AK9: variants seen among roughly 807,000 people sequenced by gnomAD.
AK9 encodes adenylate kinase 9, also known as adenylate kinase domain containing 1.
AK9 carries 191 observed loss-of-function variants against 239.6 expected under a neutral mutation model. The ratio of observed to expected loss-of-function variants is 0.80; its 90% CI spans 0.71 to 0.90. The LOEUF is 0.90. AK9 is among the 40% of genes least tolerant of loss of function. The pLI, the probability that AK9 is intolerant of heterozygous loss-of-function variation, is 0.00. For synonymous variants in AK9, 689 were observed against 721.0 expected (o/e 0.96, Z 0.71); for missense variants, 1,995 against 2,214.7 (o/e 0.90, Z 1.99).
At position 109,624,733 on chromosome 6, in the gene AK9, C is replaced by T. The variant is rs1487586296; in HGVS notation, c.1255-5497G>A. On this transcript the variant is annotated intron_variant, in intron 12 of 40. Coordinates refer to ENST00000424296, the MANE Select transcript of AK9 (RefSeq NM_001145128.3). The stretch of plus-strand genomic sequence containing the variant: ...TTACTGGGAATTTACTGTGTCATTT[C>T]TATCTGGAAGCATGTCCTTCAATCT... Among the ~76,000 whole-genome samples, 3 of 152,134 alleles carry T rather than the reference C, an allele frequency of 2.0e-5. No homozygotes were observed. The East Asian group carries it at 5.8e-4, about 29-fold the overall frequency.
intron 25 of AK9, 23 bp from the exon 26 acceptor site, chr6:109,546,150 G>GGGGGGGGT: frequency 9.6e-7 from 1 of 1,040,408 alleles, no homozygotes; most frequent in Non-Finnish European, 1.4e-6. Flanking sequence ...GTGGGTCAGG[G>GGGGGGGGT]AGGGGTGGGA....
chr6:109,674,097 T>C (rs1449904695), intron 3 of AK9, 101 bp downstream of exon 3: 2 of 827,194 alleles, frequency 2.4e-6, no homozygotes, highest in African/African-American at 1.8e-5. Flanking sequence ...TCACAGACTC[T>C]AGATGGTGAG....
chr6:109,553,391 T>C (rs550035949), intron 24 of AK9, among the ~76,000 whole-genome samples: 3 of 152,306 alleles, frequency 2.0e-5, no homozygotes, highest in South Asian at 2.1e-4. Flanking sequence ...CAGTGGTTTG[T>C]AGTTCTCCTT....
intron 29 of AK9, among the ~76,000 whole-genome samples, chr6:109,524,007 T>A (rs183735654): frequency 6.6e-6 from 1 of 152,148 alleles, no homozygotes; most frequent in Non-Finnish European, 1.5e-5. Flanking sequence ...ATTATGAAAA[T>A]TTGACCCATC....
At chr6:109,607,804 T>TGTGA (rs1401274154) in intron 17 of AK9, among the ~76,000 whole-genome samples, 2 of 151,224 alleles carry the variant, frequency 1.3e-5, no homozygotes, top group Non-Finnish European at 3.0e-5. Context: ...TGTGTGTGTG[T>TGTGA]GAAAATTGAG....
chr6:109,506,594 T>A, intron 34 of AK9, 47 bp from the exon 35 acceptor site: 3 of 1,537,396 alleles, frequency 2.0e-6, no homozygotes, highest in Non-Finnish European at 2.6e-6. Context: ...TAAAAACATA[T>A]CTTTTCCCCC....
chr6:109,507,624 C>T lies in AK9; in HGVS notation c.4482-824G>A, dbSNP rs71558373. ...AGGAGTGGCCCCCAAGCTCAGGAAA[C>T]TCCCTGTGAGGTGGGAGCAAGCTGG... On this transcript the variant is annotated intron_variant, in intron 33 of 40. Transcript: ENST00000424296. Among the ~76,000 whole-genome samples the T allele has an allele frequency of 7.6e-4, 115 of 152,314 alleles. 2 individuals are homozygous for T. Among genetic ancestry groups the T allele is most frequent in the Non-Finnish European group, 1.4e-3 (97 of 68,028 alleles).
intron 16 of AK9, among the ~76,000 whole-genome samples, 187 bp from the exon 17 acceptor site, chr6:109,610,700 G>A (rs919192539): frequency 2.0e-5 from 3 of 152,134 alleles, no homozygotes; most frequent in South Asian, 4.1e-4. Context: ...TCACAGCACC[G>A]CAAACTCTCA....
At chr6:109,632,530 T>C (rs79061472) in intron 12 of AK9, 4,864 of 233,608 alleles carry the variant, frequency 0.021, 108 homozygotes, top group East Asian at 0.11. Flanking sequence ...GGATCATCTT[T>C]GTAATACTGA....
chr6:109,514,087 C>T, intron 32 of AK9, 137 bp downstream of exon 32: 1 of 818,536 alleles, frequency 1.2e-6, no homozygotes, highest in Non-Finnish European at 1.9e-6. Context: ...TTCCTCCTGT[C>T]TCCTCACTCA....
chr6:109,527,607 T>C (rs753670120), intron 29 of AK9: 4 of 151,792 alleles, frequency 2.6e-5, no homozygotes, highest in Admixed American at 1.3e-4. Flanking sequence ...ATCAAAGGAG[T>C]TGGAAAAAAA....
intron 20 of AK9, 24 bp downstream of exon 20, chr6:109,579,526 T>A (rs371187620): frequency 5.8e-5 from 90 of 1,540,562 alleles, no homozygotes; most frequent in African/African-American, 1.1e-4. Context: ...TGACACATCA[T>A]CAGTCATAGC....
At chr6:109,570,439 A>T (rs1011999861) in intron 21 of AK9, among the ~76,000 whole-genome samples, 4 of 152,036 alleles carry the variant, frequency 2.6e-5, no homozygotes, top group African/African-American at 9.6e-5. Flanking sequence ...TAATAATAAT[A>T]AAAAAAAGAA....
intron 1 of AK9, among the ~76,000 whole-genome samples, chr6:109,681,529 C>T (rs531922232): frequency 6.6e-6 from 1 of 152,240 alleles, no homozygotes; most frequent in East Asian, 1.9e-4. Context: ...CAATACTAGA[C>T]AGATCAATGA....
chr6:109,630,315 T>A (rs542483347), intron 12 of AK9, among the ~76,000 whole-genome samples: 2 of 151,916 alleles, frequency 1.3e-5, no homozygotes, highest in Admixed American at 6.6e-5. Context: ...ACCAGAAGAG[T>A]CAATATTGTA....
intron 1 of AK9, among the ~76,000 whole-genome samples, chr6:109,677,780 A>G (rs992947181): frequency 6.6e-6 from 1 of 152,240 alleles, no homozygotes; most frequent in Non-Finnish European, 1.5e-5. Context: ...GAGACATTTC[A>G]TCAAAGAAGA....
chr6:109,550,302 C>T lies in AK9; in HGVS notation c.2752G>A (p.Gly918Ser), dbSNP rs1311587628. The T allele has an allele frequency of 1.2e-6, 2 of 1,603,986 alleles. No homozygotes were observed. The highest frequency in any genetic ancestry group is 4.5e-5 in the East Asian group (2 of 44,786). The change falls in exon 25 of 41, where the codon GGT becomes AGT. Residue 918 changes from glycine to serine, a missense_variant and splice_region_variant. Physicochemically the swap from Gly to Ser is moderately conservative, Grantham distance 56. This residue lies in a region of AK9 where 1,290 missense variants were observed against 1,392.7 expected (regional missense o/e 0.93). Coordinates refer to ENST00000424296, the MANE Select transcript of AK9 (RefSeq NM_001145128.3). Reference sequence around the variant, plus strand: ...TTTCTCTCCTTCATTTTATCTTCACCCTAGAAACGGTATTCAAAGTTTGGA... The same window carrying T: ...TTTCTCTCCTTCATTTTATCTTCACTCTAGAAACGGTATTCAAAGTTTGGA... The part of the protein sequence containing the change: ...EELEEEEEEE[G>S]EDKMKERKRH...
At chr6:109,596,680 G>T (rs912003119) in intron 17 of AK9, among the ~76,000 whole-genome samples, 2 of 152,140 alleles carry the variant, frequency 1.3e-5, no homozygotes, top group Non-Finnish European at 2.9e-5. Context: ...AGGAAGGGAG[G>T]GGTGGCTAAG....
chr6:109,597,597 T>C (rs933241628), intron 17 of AK9, among the ~76,000 whole-genome samples: 1 of 151,970 alleles, frequency 6.6e-6, no homozygotes, highest in Non-Finnish European at 1.5e-5. Context: ...GGTGTGAACC[T>C]GGGAGGCGGA....
Sources: gnomAD v4.1 joint callset for allele counts (sites outside exome capture counted in the v4.1 genomes callset) on GRCh38, gnomAD v4.1.1 for gene constraint, gnomAD v4.1.1 regional missense constraint, MANE v1.5 for transcripts, NCBI Gene and HGNC (gene_info 2026-07-23, HGNC 2026-07-21) for gene names.